SLC43A3: variants seen among roughly 807,000 people sequenced by gnomAD.
SLC43A3 encodes the protein equilibrative nucleobase transporter 1.
A neutral mutation model predicts 53.3 loss-of-function variants in SLC43A3; 33 were observed. The ratio of observed to expected loss-of-function variants is 0.62; its 90% CI spans 0.47 to 0.83. The LOEUF (loss-of-function observed/expected upper bound fraction) is 0.83, where lower values mean the gene tolerates loss of function less well. SLC43A3 is among the 40% of genes least tolerant of loss of function. The pLI is 0.00. For missense variants in SLC43A3, 530 were observed against 610.0 expected, an observed-to-expected ratio of 0.87 and a Z score of 1.38; for synonymous variants, 236 against 246.2, an observed-to-expected ratio of 0.96 and a Z score of 0.39.
chr11:57,417,951 G>T, intron 7 of SLC43A3, 64 bp from the exon 8 acceptor site: 3 of 1,518,804 alleles, frequency 2.0e-6, no homozygotes, highest in Non-Finnish European at 9.0e-7. Context: ...ATTCACAATA[G>T]CCAAAGGATG....
chr11:57,415,440 A>G (rs1490568366), intron 9 of SLC43A3: 3 of 1,322,458 alleles, frequency 2.3e-6, no homozygotes, highest in Non-Finnish European at 3.0e-6. Context: ...AGGAGAGGAG[A>G]AAGTCAGAAG....
intron 8 of SLC43A3, 30 bp from the exon 9 acceptor site, chr11:57,416,700 C>A: frequency 6.3e-7 from 1 of 1,575,332 alleles, no homozygotes; most frequent in Non-Finnish European, 8.7e-7. Flanking sequence ...ACCAGCAAGG[C>A]CAAGGACTGT....
At chr11:57,423,770 C>G in intron 5 of SLC43A3, 1 of 537,672 alleles carries the variant, frequency 1.9e-6, no homozygotes, top group South Asian at 2.6e-5. Context: ...CTGAAGTAAT[C>G]CCTCTCCATC....
In SLC43A3 at chr11:57,410,029, CT is replaced by C. The variant is rs1339277549; in HGVS notation, c.1152del (p.Val385SerfsTer15). Reference sequence around the variant, plus strand: ...AGGTACTGGAGAGGGAGGATGGGGACTGAGGCACAGAGGGCGAAGCCCAGGC... The same window carrying C: ...AGGTACTGGAGAGGGAGGATGGGGACGAGGCACAGAGGGCGAAGCCCAGGC... ...LLCLGFALCA[S>X]VPILPLQYLT... On this transcript the variant is annotated frameshift_variant, in exon 12 of 14. Coordinates refer to ENST00000395124, the MANE Select transcript of SLC43A3 (RefSeq NM_199329.3). LOFTEE classifies it high-confidence loss of function. The C allele has an allele frequency of 6.2e-7, 1 of 1,613,234 alleles. No homozygotes were observed. The highest frequency in any genetic ancestry group is 1.1e-5 in the South Asian group (1 of 90,590).
intron 7 of SLC43A3, among the ~76,000 whole-genome samples, chr11:57,418,531 A>AAAAT (rs997645329): frequency 2.6e-5 from 4 of 152,054 alleles, no homozygotes; most frequent in African/African-American, 9.7e-5. Flanking sequence ...ATCTCTACTA[A>AAAAT]AAATAAATAA....
rs754108621 is a variant in SLC43A3, at chr11:57,410,062, G to C, written c.1120C>G (p.Leu374Val). The C allele has an allele frequency of 6.2e-7, 1 of 1,612,348 alleles. No homozygotes were observed. Among genetic ancestry groups the C allele is most frequent in the East Asian group, 2.2e-5 (1 of 44,872 alleles). ...CAGAGGGCGAAGCCCAGGCACAGCA[G>C]GGATGTCAGGGCCAGCGAAGGCACC... Reference protein sequence around the residue: ...STVPSLALTSLLCLGFALCAS... With the variant: ...STVPSLALTSVLCLGFALCAS... The change falls in exon 12 of 14, where the codon CTG becomes GTG. Residue 374 changes from leucine to valine, a missense_variant. Leu to Val is a conservative substitution (Grantham distance 32). Transcript: ENST00000395124.
At position 57,425,805 on chromosome 11, in the gene SLC43A3, C is replaced by G. The variant is rs1943181115; in HGVS notation, c.185-135G>C. On this transcript the variant is annotated intron_variant, in intron 3 of 13. Coordinates refer to ENST00000395124, the MANE Select transcript of SLC43A3 (RefSeq NM_199329.3). ...AAGCTGAGTTGAAATGTGGCTGCCCCTAATTACCCCTCAGGAGCTGGTGCC... is the reference window on the plus strand; with the variant it reads ...AAGCTGAGTTGAAATGTGGCTGCCCGTAATTACCCCTCAGGAGCTGGTGCC... 5.2e-5 allele frequency: 75 copies of G among 1,452,760 alleles called. No individual in the cohort carries two copies. In the South Asian group the frequency reaches 9.0e-4, roughly 17 times the overall value. 90.0% of individuals were successfully genotyped at this position (1,452,760 alleles called of 1,614,324 possible). A position where few individuals can be genotyped will look rare whatever the true frequency, so the allele number is the denominator to read the frequency against.
In SLC43A3 at chr11:57,425,444, G is replaced by T. The variant is rs1282996389; in HGVS notation, c.314+97C>A. On this transcript the variant is annotated intron_variant, in intron 4 of 13. Coordinates refer to ENST00000395124, the MANE Select transcript of SLC43A3 (RefSeq NM_199329.3). ...CTGCAGGTGTGGTGCCTGGCAGGGT[G>T]GCCGGGCTGTCTGACTCTGGATTTC... The T allele has an allele frequency of 2.3e-6, 3 of 1,318,808 alleles. No individual in the cohort carries two copies. In the East Asian group the frequency reaches 7.0e-5, roughly 31 times the overall value. 81.7% of individuals were successfully genotyped at this position (1,318,808 alleles called of 1,614,324 possible). A position where few individuals can be genotyped will look rare whatever the true frequency, so the allele number is the denominator to read the frequency against.
At chr11:57,409,391 C>A in intron 12 of SLC43A3, 93 bp from the exon 13 acceptor site, 1 of 1,460,076 alleles carries the variant, frequency 6.8e-7, no homozygotes, top group Non-Finnish European at 9.4e-7. Flanking sequence ...CCGCTTGTCC[C>A]CAGCTCCCCT....
At chr11:57,408,637 T>C (rs1942309183) in intron 13 of SLC43A3, 2 of 153,540 alleles carry the variant, frequency 1.3e-5, no homozygotes, top group Admixed American at 6.4e-5. Context: ...ATTCTAAGAT[T>C]TGCTGCTTTA....
intron 10 of SLC43A3, 23 bp from the exon 11 acceptor site, chr11:57,414,754 G>A (rs531116106): frequency 1.3e-6 from 2 of 1,597,518 alleles, no homozygotes; most frequent in South Asian, 2.2e-5. Flanking sequence ...GAGAGAGGTT[G>A]GTTGATGAGA....
chr11:57,407,665 TTGTGTGTG>T lies in SLC43A3; in HGVS notation c.*119_*126del, dbSNP rs3832767. 9 of 566,580 alleles carry T rather than the reference TTGTGTGTG, an allele frequency of 1.6e-5. No individual in the cohort carries two copies. The highest frequency in any genetic ancestry group is 9.8e-5 in the Admixed American group (3 of 30,598). 35.1% of individuals were successfully genotyped at this position (566,580 alleles called of 1,614,324 possible). On this transcript the variant is annotated 3_prime_UTR_variant, in exon 14 of 14. Transcript: ENST00000395124. ...GCAGACGTCCTTGTGTGTCTTTATTTTGTGTGTGTGTGTGTGTGTGTGTGTGTTTTGCT... is the reference window on the plus strand; with the variant it reads ...GCAGACGTCCTTGTGTGTCTTTATTTTGTGTGTGTGTGTGTGTGTTTTGCT...
At position 57,409,302 on chromosome 11, in the gene SLC43A3, G is replaced by A. The variant is rs774057594; in HGVS notation, c.1248-4C>T. 5 of 1,614,038 alleles carry A rather than the reference G, an allele frequency of 3.1e-6. No homozygotes were observed. Among genetic ancestry groups the A allele is most frequent in the South Asian group, 1.1e-5 (1 of 91,090 alleles). On this transcript the variant is annotated splice_region_variant and splice_polypyrimidine_tract_variant and intron_variant, in intron 12 of 13. Coordinates refer to ENST00000395124, the MANE Select transcript of SLC43A3 (RefSeq NM_199329.3). ...GCCAAAGTGCTCTGAAGGGAAACTG[G>A]GGAGAGAAACCAGAGGGGTTCCAGT...
Position 57,414,999 on chromosome 11 carries a change from G to A in SLC43A3, c.877C>T (p.His293Tyr). 6.2e-7 allele frequency: 1 copy of A among 1,614,050 alleles called. No individual in the cohort carries two copies. Among genetic ancestry groups the A allele is most frequent in the Non-Finnish European group, 8.5e-7 (1 of 1,180,038 alleles). The change falls in exon 10 of 14, where the codon CAC becomes TAC. Residue 293 changes from histidine (H) to tyrosine (Y), a missense_variant. His to Tyr is a moderately conservative substitution (Grantham distance 83, BLOSUM62 2). Coordinates refer to ENST00000395124, the MANE Select transcript of SLC43A3 (RefSeq NM_199329.3). ...LVWLSVIQLW[H>Y]YLFIGTLNSL... is the part of the protein sequence containing the mutation. ...TTGAGAGTGCCAATGAAGAGGTAGT[G>A]CCACAACTGTATCACAGACAGCCAC...
At chr11:57,422,391 A>C (rs1299501288) in intron 5 of SLC43A3, among the ~76,000 whole-genome samples, 1 of 152,242 alleles carries the variant, frequency 6.6e-6, no homozygotes, top group Non-Finnish European at 1.5e-5. Context: ...ACATGAAGAC[A>C]TTCTTTCATG....
At chr11:57,414,139 G>A (rs1942607197) in intron 11 of SLC43A3, among the ~76,000 whole-genome samples, 1 of 152,192 alleles carries the variant, frequency 6.6e-6, no homozygotes, top group Non-Finnish European at 1.5e-5. Context: ...CTGGTGTCTG[G>A]CACCATGGCT....
chr11:57,422,200 TTTATA>T (rs1237640486), intron 5 of SLC43A3, among the ~76,000 whole-genome samples: 2 of 152,260 alleles, frequency 1.3e-5, no homozygotes, highest in African/African-American at 4.8e-5. Flanking sequence ...TAAAGGACAC[TTTATA>T]TCACTACTGT....
intron 8 of SLC43A3, 38 bp from the exon 9 acceptor site, chr11:57,416,708 T>C (rs1184130532): frequency 1.3e-6 from 2 of 1,523,908 alleles, no homozygotes; most frequent in Admixed American, 1.7e-5. Flanking sequence ...GGCCAAGGAC[T>C]GTGAGCCGAA....
At position 57,414,741 on chromosome 11, in the gene SLC43A3, GAAGA is replaced by G. The variant is rs749412423; in HGVS notation, c.944-14_944-11del. The G allele has an allele frequency of 6.0e-5, 97 of 1,607,358 alleles. No homozygotes were observed. Among genetic ancestry groups the G allele is most frequent in the South Asian group, 6.6e-5 (6 of 90,918 alleles). On this transcript the variant is annotated splice_polypyrimidine_tract_variant and intron_variant, in intron 10 of 13. Coordinates refer to ENST00000395124, the MANE Select transcript of SLC43A3 (RefSeq NM_199329.3). ...TTTGTGTAGGTGCTGACTGCAGAAG[GAAGA>G]GAGAGGTTGGTTGATGAGAAGTTTC...
Sources: allele counts gnomAD v4.1 joint callset (sites outside exome capture counted in the v4.1 genomes callset), GRCh38; gene constraint gnomAD v4.1.1; transcripts MANE v1.5; gene names NCBI Gene and HGNC (gene_info 2026-07-23, HGNC 2026-07-21).